Variants in TMEM108 observed in about 807,000 individuals in gnomAD.
The protein encoded by TMEM108 is transmembrane protein 108.
A neutral mutation model predicts 35.1 loss-of-function variants in TMEM108; 12 were observed. The ratio of observed to expected loss-of-function variants is 0.34; its 90% confidence interval spans 0.22 to 0.55. TMEM108 has a LOEUF of 0.55. Ranked by LOEUF, TMEM108 falls within the 20% of genes least tolerant of loss-of-function variation. TMEM108 has a pLI of 0.89. For synonymous variants in TMEM108, 287 were observed against 308.6 expected, an observed-to-expected ratio of 0.93 and a Z score of 0.73; for missense variants, 680 against 753.3, an observed-to-expected ratio of 0.90 and a Z score of 1.14.
At chr3:133,275,390 A>G (rs1185492944) in intron 3 of TMEM108, among the ~76,000 whole-genome samples, 2 of 152,218 alleles carry the variant, frequency 1.3e-5, no homozygotes, top group African/African-American at 2.4e-5. Flanking sequence ...TTAACATGTA[A>G]TTGGATTTTT....
In TMEM108 at chr3:133,189,718, A is replaced by G. The variant is rs564480691; in HGVS notation, c.-46-39548A>G. On this transcript the variant is annotated intron_variant, in intron 2 of 5. Coordinates refer to ENST00000321871, the MANE Select transcript of TMEM108 (RefSeq NM_023943.4). ...TGTATTCCAAAATTCAGGATCTAAG[A>G]AATTCTCAACTCAAGTTGGTTCTTG... Among the ~76,000 whole-genome samples, 3 of 152,316 alleles carry G rather than the reference A, an allele frequency of 2.0e-5. No individual in the cohort carries two copies. The South Asian group carries it at 6.2e-4, about 32-fold the overall frequency.
intron 2 of TMEM108, among the ~76,000 whole-genome samples, chr3:133,226,448 T>C (rs1946072407): frequency 6.6e-6 from 1 of 152,238 alleles, no homozygotes; most frequent in Non-Finnish European, 1.5e-5. Context: ...GGGCCTGCTA[T>C]CTGTCATGTG....
At chr3:133,388,780 C>T in intron 4 of TMEM108, 1 of 985,424 alleles carries the variant, frequency 1.0e-6, no homozygotes, top group Non-Finnish European at 1.2e-6. Context: ...CCTACAGGGC[C>T]CTGGGCTCTG....
At chr3:133,349,140 A>G (rs1439481103) in intron 3 of TMEM108, among the ~76,000 whole-genome samples, 1 of 152,168 alleles carries the variant, frequency 6.6e-6, no homozygotes, top group Admixed American at 6.6e-5. Context: ...GTTCAATTTC[A>G]TTAATAGCCA....
chr3:133,247,744 A>T (rs887079932), intron 3 of TMEM108: 5 of 152,174 alleles, frequency 3.3e-5, no homozygotes, highest in Non-Finnish European at 7.3e-5. Context: ...ACACTTTTAT[A>T]AAGAATCTAC....
intron 3 of TMEM108, among the ~76,000 whole-genome samples, chr3:133,359,506 A>G (rs1489291645): frequency 6.6e-6 from 1 of 152,174 alleles, no homozygotes; most frequent in East Asian, 1.9e-4. Flanking sequence ...ATCTGTGTGA[A>G]AAGTAGGAGA....
intron 2 of TMEM108, among the ~76,000 whole-genome samples, chr3:133,206,231 A>G (rs1414400028): frequency 6.6e-6 from 1 of 152,200 alleles, no homozygotes; most frequent in Non-Finnish European, 1.5e-5. Flanking sequence ...GCTTCCTTGC[A>G]TTGGGTTAGA....
chr3:133,314,434 G>T (rs866513689), intron 3 of TMEM108, among the ~76,000 whole-genome samples: 1 of 152,142 alleles, frequency 6.6e-6, no homozygotes, highest in African/African-American at 2.4e-5. Flanking sequence ...TTTCAATGAT[G>T]GAACGCAATT....
chr3:133,197,911 C>T (rs1945603157), intron 2 of TMEM108, among the ~76,000 whole-genome samples: 1 of 152,172 alleles, frequency 6.6e-6, no homozygotes, highest in Non-Finnish European at 1.5e-5. Context: ...CTGACAAAAC[C>T]TTCCATCTTT....
chr3:133,311,953 T>C (rs2071134044), intron 3 of TMEM108, among the ~76,000 whole-genome samples: 1 of 152,250 alleles, frequency 6.6e-6, no homozygotes, highest in Non-Finnish European at 1.5e-5. Flanking sequence ...TTAGTTTTCC[T>C]TCTAACAGTC....
At chr3:133,391,663 G>GT (rs1210985442) in intron 5 of TMEM108, among the ~76,000 whole-genome samples, 2 of 152,046 alleles carry the variant, frequency 1.3e-5, no homozygotes, top group African/African-American at 4.8e-5. Flanking sequence ...ACCCACTCCA[G>GT]GTGTGTGCAT....
chr3:133,253,187 T>C lies in TMEM108; in HGVS notation c.40+23836T>C, dbSNP rs546167528. On this transcript the variant is annotated intron_variant, in intron 3 of 5. Coordinates refer to ENST00000321871, the MANE Select transcript of TMEM108 (RefSeq NM_023943.4). Reference sequence around the variant, plus strand: ...ACTGTACAGAGAAACCTATTACAGTTGTTGTTTTACTCAAGAAATACCATA... The same window carrying C: ...ACTGTACAGAGAAACCTATTACAGTCGTTGTTTTACTCAAGAAATACCATA... 1.4e-4 allele frequency among the ~76,000 whole-genome samples: 22 copies of C among 152,312 alleles called. No homozygotes were observed. The East Asian group carries it at 4.2e-3, about 29-fold the overall frequency.
chr3:133,351,631 C>T (rs1317511775), intron 3 of TMEM108, among the ~76,000 whole-genome samples: 1 of 152,108 alleles, frequency 6.6e-6, no homozygotes, highest in East Asian at 1.9e-4. Context: ...ATCATAGCAG[C>T]CATGATGGCT....
chr3:133,215,325 T>G (rs540517689), intron 2 of TMEM108, among the ~76,000 whole-genome samples: 24 of 148,258 alleles, frequency 1.6e-4, no homozygotes, highest in Non-Finnish European at 2.8e-4. Flanking sequence ...TTGCAAGCCA[T>G]ATTTAATAGT....
intron 3 of TMEM108, among the ~76,000 whole-genome samples, chr3:133,241,609 C>CTTTTTTTT: frequency 1.3e-5 from 1 of 76,236 alleles, no homozygotes; most frequent in Non-Finnish European, 2.4e-5. Flanking sequence ...TTTCCTGTGG[C>CTTTTTTTT]TTTTTTTTTT....
intron 2 of TMEM108, among the ~76,000 whole-genome samples, chr3:133,061,754 C>CTA (rs1237413689): frequency 2.0e-5 from 3 of 152,194 alleles, no homozygotes; most frequent in African/African-American, 7.2e-5. Flanking sequence ...CTATATGTTA[C>CTA]TAAGTAGGCA....
chr3:133,284,488 T>C (rs1021116381), intron 3 of TMEM108, among the ~76,000 whole-genome samples: 19 of 152,216 alleles, frequency 1.2e-4, no homozygotes, highest in African/African-American at 4.3e-4. Context: ...GTTCCTTCAG[T>C]CTGTCTTCAA....
chr3:133,135,895 G>A (rs1422617905), intron 2 of TMEM108, among the ~76,000 whole-genome samples: 1 of 152,158 alleles, frequency 6.6e-6, no homozygotes, highest in Non-Finnish European at 1.5e-5. Flanking sequence ...TGAGTTTAAT[G>A]TGTAGCATAA....
chr3:133,068,780 T>C (rs1048329762), intron 2 of TMEM108, among the ~76,000 whole-genome samples: 14 of 152,128 alleles, frequency 9.2e-5, no homozygotes, highest in Non-Finnish European at 2.1e-4. Context: ...TTCATAATCA[T>C]TTGGGGTGGT....
Sources: gnomAD v4.1 joint callset for allele counts (sites outside exome capture counted in the v4.1 genomes callset) on GRCh38, gnomAD v4.1.1 for gene constraint, MANE v1.5 for transcripts, NCBI Gene and HGNC (gene_info 2026-07-23, HGNC 2026-07-21) for gene names.